The following GALNT4 variants were observed in gnomAD, a reference collection of about 807,000 sequenced individuals.
GALNT4 encodes the protein polypeptide N-acetylgalactosaminyltransferase 4.
A neutral mutation model predicts 45.1 loss-of-function variants in GALNT4; 23 were observed. That is an observed-to-expected ratio of 0.51 (90% CI 0.37 to 0.72). The LOEUF is 0.72. GALNT4 is among the 30% of genes least tolerant of loss of function. GALNT4 has a pLI of 0.00. For synonymous variants in GALNT4, 264 were observed against 257.6 expected (o/e 1.02, Z -0.24); for missense variants, 757 against 709.0 (o/e 1.07, Z -0.77).
In GALNT4 at chr12:89,522,021, A is replaced by G. The variant is rs1261811177; in HGVS notation, c.*792T>C. 1.5e-5 allele frequency: 6 copies of G among 398,918 alleles called. No individual in the cohort carries two copies. The highest frequency in any genetic ancestry group is 2.7e-5 in the Non-Finnish European group (6 of 226,062). 24.7% of individuals were successfully genotyped at this position (398,918 alleles called of 1,614,324 possible). On this transcript the variant is annotated 3_prime_UTR_variant, in exon 1 of 1. Transcript: ENST00000529983. ...GGATGAGTCCCTTTCTAGTACATTCATAACTTAAGGAAGTGCAATCAGAAA... is the reference window on the plus strand; with the variant it reads ...GGATGAGTCCCTTTCTAGTACATTCGTAACTTAAGGAAGTGCAATCAGAAA...
At position 89,524,096 on chromosome 12, in the gene GALNT4, G is replaced by A. The variant is rs1871190745; in HGVS notation, c.454C>T (p.Leu152Phe). The A allele has an allele frequency of 3.1e-6, 5 of 1,614,030 alleles. No individual in the cohort carries two copies. In the African/African-American group the frequency reaches 6.7e-5, roughly 22 times the overall value. Reference sequence around the variant, plus strand: ...TCTAAAACACTGTGAATGGTACGGAGCAAAGTCGACCAGGCTTCGTTATAG... The same window carrying A: ...TCTAAAACACTGTGAATGGTACGGAACAAAGTCGACCAGGCTTCGTTATAG... ...AFYNEAWSTL[L>F]RTIHSVLETS... is the part of the protein sequence containing the mutation. Residue 152 changes from leucine to phenylalanine, a missense_variant, in exon 1 of 1, where the codon CTC becomes TTC. Leu to Phe is a conservative substitution (Grantham distance 22). Transcript: ENST00000529983.
rs934484540 is a variant in GALNT4, at chr12:89,521,593, T to C, written c.*1220A>G. On this transcript the variant is annotated 3_prime_UTR_variant, in exon 1 of 1. Coordinates refer to ENST00000529983, the MANE Select transcript of GALNT4 (RefSeq NM_003774.5). ...GCATTTCAGAGCTGGAAGGGATCTT[T>C]AAGATCCAATCCAGCACCCACATTT... 1 of 161,596 alleles carries C rather than the reference T, an allele frequency of 6.2e-6. No homozygotes were observed. The highest frequency in any genetic ancestry group is 2.4e-5 in the African/African-American group (1 of 41,836). The allele number at this position is 161,596 out of a possible 1,614,324, so 10.0% of individuals were successfully genotyped here. A position where few individuals can be genotyped will look rare whatever the true frequency, so the allele number is the denominator to read the frequency against.
In GALNT4 at chr12:89,522,216, G is replaced by T. The variant is rs1870944373; in HGVS notation, c.*597C>A. 2.5e-6 allele frequency: 1 copy of T among 398,442 alleles called. No individual in the cohort carries two copies. Among genetic ancestry groups the T allele is most frequent in the South Asian group, 1.3e-4 (1 of 7,840 alleles). 24.7% of individuals were successfully genotyped at this position (398,442 alleles called of 1,614,324 possible). ...ATGGGTATGTCTGCATGTTAAAAAGGCCTCCAAACTCACACTCAAACAAAT... is the reference window on the plus strand; with the variant it reads ...ATGGGTATGTCTGCATGTTAAAAAGTCCTCCAAACTCACACTCAAACAAAT... On this transcript the variant is annotated 3_prime_UTR_variant, in exon 1 of 1. Transcript: ENST00000529983.
Position 89,524,013 on chromosome 12 carries a change from T to G in GALNT4, c.537A>C (p.Arg179Ser), listed in dbSNP as rs959155651. 2.5e-6 allele frequency: 4 copies of G among 1,613,654 alleles called. No individual in the cohort carries two copies. Among genetic ancestry groups the G allele is most frequent in the Non-Finnish European group, 3.4e-6 (4 of 1,179,754 alleles). Reference protein sequence around the residue: ...EIILVDDLSDRVYLKTQLETY... With the variant: ...EIILVDDLSDSVYLKTQLETY... Reference sequence around the variant, plus strand: ...TTTCAAGTTGTGTCTTCAAATAAACTCTGTCACTCAAGTCATCCACCAAGA... The same window carrying G: ...TTTCAAGTTGTGTCTTCAAATAAACGCTGTCACTCAAGTCATCCACCAAGA... Residue 179 changes from arginine (R) to serine (S), a missense_variant, in exon 1 of 1, where the codon AGA becomes AGC. Physicochemically the swap from Arg to Ser is moderately radical, Grantham distance 110. Coordinates refer to ENST00000529983, the MANE Select transcript of GALNT4 (RefSeq NM_003774.5).
Position 89,522,785 on chromosome 12 carries a change from C to G in GALNT4, c.*28G>C. 1 of 1,536,044 alleles carries G rather than the reference C, an allele frequency of 6.5e-7. No homozygotes were observed. The highest frequency in any genetic ancestry group is 1.3e-5 in the South Asian group (1 of 76,560). On this transcript the variant is annotated 3_prime_UTR_variant, in exon 1 of 1. Transcript: ENST00000529983. Reference sequence around the variant, plus strand: ...TCTTTGACTTTCTTGACACTACTGTCAGCTCATGACGAAAGTGCTGTTGTG... The same window carrying G: ...TCTTTGACTTTCTTGACACTACTGTGAGCTCATGACGAAAGTGCTGTTGTG...
Position 89,524,154 on chromosome 12 carries a change from C to T in GALNT4, c.396G>A (p.Arg132=), listed in dbSNP as rs751862118. The change falls in exon 1 of 1, where the codon AGG becomes AGA. Residue 132 remains arginine (R), a synonymous_variant. Transcript: ENST00000529983. ...TGATAACAGAGGTGGTAGGAAGTGT[C>T]CTATAGTTGAACTTCTGGGACTTAC... ...YECKSQKFNY[R]TLPTTSVIIA... The T allele has an allele frequency of 2.1e-5, 34 of 1,613,946 alleles. No individual in the cohort carries two copies. Among genetic ancestry groups the T allele is most frequent in the Non-Finnish European group, 2.7e-5 (32 of 1,179,892 alleles).
rs527978112 is a variant in GALNT4 at position 89,522,557 on chromosome 12, T to C, written c.*256A>G. ...TGTGTTTCAATTCATAGTCAACTTC[T>C]TTTAAGAAGAGACCATATTGACAAA... On this transcript the variant is annotated 3_prime_UTR_variant, in exon 1 of 1. Coordinates refer to ENST00000529983, the MANE Select transcript of GALNT4 (RefSeq NM_003774.5). 5.4e-6 allele frequency: 2 copies of C among 371,238 alleles called. No individual in the cohort carries two copies. The highest frequency in any genetic ancestry group is 9.5e-6 in the Non-Finnish European group (2 of 211,360). 23.0% of individuals were successfully genotyped at this position (371,238 alleles called of 1,614,324 possible).
chr12:89,523,489 A>C lies in GALNT4; in HGVS notation c.1061T>G (p.Ile354Ser). 1.2e-6 allele frequency: 2 copies of C among 1,612,424 alleles called. No individual in the cohort carries two copies. ...RVWQCGGKLE[I>S]HPCSHVGHVF... The stretch of plus-strand genomic sequence containing the variant: ...ATGGCCCACGTGGGAACACGGGTGG[A>C]TCTCCAATTTGCCACCACACTGCCA... The change falls in exon 1 of 1, where the codon ATC becomes AGC. Residue 354 changes from isoleucine (I) to serine (S), a missense_variant. Physicochemically the swap from Ile to Ser is moderately radical, Grantham distance 142. Coordinates refer to ENST00000529983, the MANE Select transcript of GALNT4 (RefSeq NM_003774.5).
chr12:89,521,966 A>C lies in GALNT4; in HGVS notation c.*847T>G, dbSNP rs767377324. On this transcript the variant is annotated 3_prime_UTR_variant, in exon 1 of 1. Transcript: ENST00000529983. Reference sequence around the variant, plus strand: ...TCAATTGTGTTTACTTTAAATGATTAAGCATTAACAAAGGGAGGCATAGTA... The same window carrying C: ...TCAATTGTGTTTACTTTAAATGATTCAGCATTAACAAAGGGAGGCATAGTA... The C allele has an allele frequency of 4.0e-5, 16 of 398,868 alleles. No homozygotes were observed. The highest frequency in any genetic ancestry group is 7.1e-5 in the Non-Finnish European group (16 of 226,052). 24.7% of individuals were successfully genotyped at this position (398,868 alleles called of 1,614,324 possible). A position where few individuals can be genotyped will look rare whatever the true frequency, so the allele number is the denominator to read the frequency against.
chr12:89,522,744 CTGAGGCTCT>C lies in GALNT4; in HGVS notation c.*60_*68del. The C allele has an allele frequency of 1.3e-6, 2 of 1,504,780 alleles. No individual in the cohort carries two copies. The highest frequency in any genetic ancestry group is 2.8e-5 in the South Asian group (2 of 71,478). 93.2% of individuals were successfully genotyped at this position (1,504,780 alleles called of 1,614,324 possible). A position where few individuals can be genotyped will look rare whatever the true frequency, so the allele number is the denominator to read the frequency against. ...TTGATAAAATAAAATACAATCTTCA[CTGAGGCTCT>C]TAAGGCTCTTTGACTTTCTTGACAC... On this transcript the variant is annotated 3_prime_UTR_variant, in exon 1 of 1. Transcript: ENST00000529983.
At position 89,524,196 on chromosome 12, in the gene GALNT4, A is replaced by G. The variant is rs776078110; in HGVS notation, c.354T>C (p.Asp118=). The G allele has an allele frequency of 1.9e-6, 3 of 1,614,030 alleles. No individual in the cohort carries two copies. Among genetic ancestry groups the G allele is most frequent in the East Asian group, 4.5e-5 (2 of 44,886 alleles). Residue 118 remains aspartate, a synonymous_variant, in exon 1 of 1, where the codon GAT becomes GAC. Transcript: ENST00000529983. The part of the protein sequence containing the change: ...DRISLHRHIE[D]KRMYECKSQK... Reference sequence around the variant, plus strand: ...GGGACTTACACTCATACATTCTTTTATCCTCTATGTGTCGATGCAGGGAAA... The same window carrying G: ...GGGACTTACACTCATACATTCTTTTGTCCTCTATGTGTCGATGCAGGGAAA...
Position 89,522,869 on chromosome 12 carries a change from G to C in GALNT4, c.1681C>G (p.Gln561Glu). The C allele has an allele frequency of 6.2e-7, 1 of 1,608,884 alleles. No homozygotes were observed. Among genetic ancestry groups the C allele is most frequent in the Non-Finnish European group, 8.5e-7 (1 of 1,178,380 alleles). Reference protein sequence around the residue: ...YRTPEGRPDVQMRTCDALDKN... With the variant: ...YRTPEGRPDVEMRTCDALDKN... ...TCTAGAGCATCACAAGTTCTCATTT[G>C]TACATCAGGTCGGCCCTCCGGTGTC... Residue 561 changes from glutamine (Q) to glutamate (E), a missense_variant, in exon 1 of 1, where the codon CAA becomes GAA. Physicochemically the swap from Gln to Glu is conservative, Grantham distance 29 (BLOSUM62 2). Coordinates refer to ENST00000529983, the MANE Select transcript of GALNT4 (RefSeq NM_003774.5).
In GALNT4 at chr12:89,523,069, A is replaced by G; in HGVS notation, c.1481T>C (p.Ile494Thr). 6.2e-7 allele frequency: 1 copy of G among 1,613,782 alleles called. No individual in the cohort carries two copies. Among genetic ancestry groups the G allele is most frequent in the Non-Finnish European group, 8.5e-7 (1 of 1,179,736 alleles). ...TAACTCTGTCACAGAATTAAACCTT[A>G]TTTCTTTGTTTGAAGTATATTCAAA... ...QFFEYTSNKE[I>T]RFNSVTELCA... The change falls in exon 1 of 1, where the codon ATA becomes ACA. Residue 494 changes from isoleucine to threonine, a missense_variant. By Grantham distance (89) the Ile-to-Thr change is moderately conservative. Transcript: ENST00000529983.
chr12:89,520,186 T>C lies in GALNT4; in HGVS notation c.*2627A>G, dbSNP rs1198038469. 1 of 152,098 alleles carries C rather than the reference T, an allele frequency of 6.6e-6. No individual in the cohort carries two copies. The highest frequency in any genetic ancestry group is 1.5e-5 in the Non-Finnish European group (1 of 68,000). 9.4% of individuals were successfully genotyped at this position (152,098 alleles called of 1,614,324 possible). On this transcript the variant is annotated 3_prime_UTR_variant, in exon 1 of 1. Transcript: ENST00000529983. Reference sequence around the variant, plus strand: ...AAATAAAGCACCACTGTAAAATCTCTTCCTAAAAGATTGCTGGGTCACACC... The same window carrying C: ...AAATAAAGCACCACTGTAAAATCTCCTCCTAAAAGATTGCTGGGTCACACC...
Position 89,524,596 on chromosome 12 carries a change from G to A in GALNT4, c.-47C>T, listed in dbSNP as rs1242325333. On this transcript the variant is annotated 5_prime_UTR_variant, in exon 1 of 1. Coordinates refer to ENST00000529983, the MANE Select transcript of GALNT4 (RefSeq NM_003774.5). The stretch of plus-strand genomic sequence containing the variant: ...GCAGACGCGGCCACCAAGCCACCAC[G>A]CAGGGGAAGGGCGGCGGAACCCACA... 3.1e-6 allele frequency: 5 copies of A among 1,594,994 alleles called. No individual in the cohort carries two copies. Among genetic ancestry groups the A allele is most frequent in the Non-Finnish European group, 4.3e-6 (5 of 1,168,372 alleles).
At position 89,522,844 on chromosome 12, in the gene GALNT4, T is replaced by C. The variant is rs1318225251; in HGVS notation, c.1706A>G (p.Asp569Gly). The change falls in exon 1 of 1, where the codon GAT (aspartate) becomes GGT (glycine). Residue 569 changes from aspartate (D) to glycine (G), a missense_variant. Asp to Gly is a moderately conservative substitution (Grantham distance 94, BLOSUM62 -1). Coordinates refer to ENST00000529983, the MANE Select transcript of GALNT4 (RefSeq NM_003774.5). ...DVQMRTCDAL[D>G]KNQIWSFEK ...CTCAAAACTCCAAATTTGATTTTTA[T>C]CTAGAGCATCACAAGTTCTCATTTG... is the stretch of plus-strand genomic sequence containing the variant. 1.9e-6 allele frequency: 3 copies of C among 1,594,418 alleles called. No homozygotes were observed. Among genetic ancestry groups the C allele is most frequent in the Non-Finnish European group, 2.6e-6 (3 of 1,172,058 alleles).
rs372420331 is a variant in GALNT4 at position 89,523,422 on chromosome 12, T to C, written c.1128A>G (p.Leu376=). 12 of 1,613,916 alleles carry C rather than the reference T, an allele frequency of 7.4e-6. No homozygotes were observed. The Admixed American group carries it at 1.0e-4, about 13-fold the overall frequency. Residue 376 remains leucine, a synonymous_variant, in exon 1 of 1, where the codon CTA becomes CTG. Transcript: ENST00000529983. ...KRAPYARPNF[L]QNTARAAEVW... is the part of the protein sequence containing the mutation. ...CTTCTGCTGCCCGAGCAGTATTCTG[T>C]AGGAAATTGGGGCGAGCATATGGTG... is the stretch of plus-strand genomic sequence containing the variant.
rs1474614578 is a variant in GALNT4 at position 89,522,863 on chromosome 12, T to G, written c.1687A>C (p.Arg563=). ...TTTTTATCTAGAGCATCACAAGTTCTCATTTGTACATCAGGTCGGCCCTCC... is the reference window on the plus strand; with the variant it reads ...TTTTTATCTAGAGCATCACAAGTTCGCATTTGTACATCAGGTCGGCCCTCC... ...TPEGRPDVQM[R]TCDALDKNQI... is the part of the protein sequence containing the mutation. Residue 563 remains arginine (R), a synonymous_variant, in exon 1 of 1, where the codon AGA becomes CGA. Coordinates refer to ENST00000529983, the MANE Select transcript of GALNT4 (RefSeq NM_003774.5). 1 of 1,604,510 alleles carries G rather than the reference T, an allele frequency of 6.2e-7. No homozygotes were observed. The highest frequency in any genetic ancestry group is 8.5e-7 in the Non-Finnish European group (1 of 1,176,778).
rs1194032437 is a variant in GALNT4, at chr12:89,523,740, T to C, written c.810A>G (p.Ile270Met). 1.3e-6 allele frequency: 2 copies of C among 1,546,836 alleles called. No individual in the cohort carries two copies. Among genetic ancestry groups the C allele is most frequent in the Non-Finnish European group, 1.7e-6 (2 of 1,154,242 alleles). ...DWNTFEFYMQ[I>M]GEPMIGGFDW... Reference sequence around the variant, plus strand: ...CAAACCCACCAATCATGGGCTCCCCTATCTGCATATAGAATTCAAAAGTAT... The same window carrying C: ...CAAACCCACCAATCATGGGCTCCCCCATCTGCATATAGAATTCAAAAGTAT... Residue 270 changes from isoleucine (I) to methionine (M), a missense_variant, in exon 1 of 1, where the codon ATA becomes ATG. Transcript: ENST00000529983.
Sources: allele counts gnomAD v4.1 joint callset, GRCh38; gene constraint gnomAD v4.1.1; transcripts MANE v1.5; gene names NCBI Gene and HGNC (gene_info 2026-07-23, HGNC 2026-07-21).